The following CNGB1 variants were observed in gnomAD, a reference collection of about 807,000 sequenced individuals.
CNGB1 encodes cyclic nucleotide gated channel subunit beta 1, also known as cyclic nucleotide-gated channel beta-1.
A neutral mutation model predicts 151.7 loss-of-function variants in CNGB1; 126 were observed. That is an observed-to-expected ratio of 0.83 (90% CI 0.72 to 0.96). The LOEUF is 0.96. CNGB1 is among the 40% of genes least tolerant of loss of function. The pLI, the probability that CNGB1 is intolerant of heterozygous loss-of-function variation, is 0.00. For missense variants in CNGB1, 1,698 were observed against 1,627.0 expected, an observed-to-expected ratio of 1.04 and a Z score of -0.75; for synonymous variants, 623 against 635.1, an observed-to-expected ratio of 0.98 and a Z score of 0.29.
At chr16:57,907,665 T>C (rs1026624178) in intron 25 of CNGB1, among the ~76,000 whole-genome samples, 9 of 152,234 alleles carry the variant, frequency 5.9e-5, no homozygotes, top group African/African-American at 1.9e-4. Flanking sequence ...CCCCTTTGCA[T>C]AGAAAGGGGC....
At chr16:57,895,446 T>C (rs1422928333) in intron 31 of CNGB1, among the ~76,000 whole-genome samples, 1 of 151,860 alleles carries the variant, frequency 6.6e-6, no homozygotes, top group Admixed American at 6.6e-5. Context: ...TTGAAATTGT[T>C]TTATAGATAA....
chr16:57,925,682 G>A (rs566603435), intron 17 of CNGB1, among the ~76,000 whole-genome samples: 111 of 147,336 alleles, frequency 7.5e-4, no homozygotes, highest in African/African-American at 2.8e-3. Context: ...CCCAAGGGAA[G>A]TTCATGATTA....
In CNGB1 at chr16:57,940,216, G is replaced by T. The variant is rs370097431; in HGVS notation, c.1209+18C>A. ...CAAGCCAGGCCTCAGAGGTGCCAGT[G>T]CCTGGTGCTTCTCATACCTGATCTG... On this transcript the variant is annotated intron_variant, in intron 15 of 32. Transcript: ENST00000251102. 6.4e-6 allele frequency: 10 copies of T among 1,555,766 alleles called. No individual in the cohort carries two copies. In the African/African-American group the frequency reaches 1.4e-4, roughly 21 times the overall value.
At chr16:57,966,365 T>C (rs1318737906) in intron 2 of CNGB1, among the ~76,000 whole-genome samples, 2 of 152,230 alleles carry the variant, frequency 1.3e-5, no homozygotes, top group Non-Finnish European at 2.9e-5. Flanking sequence ...CTGGCATCAA[T>C]TAGAAGCTAA....
intron 21 of CNGB1, among the ~76,000 whole-genome samples, 197 bp from the exon 22 acceptor site, chr16:57,916,376 C>A (rs1476824762): frequency 6.6e-6 from 1 of 152,254 alleles, no homozygotes; most frequent in East Asian, 1.9e-4. Flanking sequence ...CTGTTCTGGT[C>A]ACCCAGCTAG....
At chr16:57,896,412 G>T (rs1454762108) in intron 31 of CNGB1, among the ~76,000 whole-genome samples, 3 of 152,124 alleles carry the variant, frequency 2.0e-5, no homozygotes, top group Non-Finnish European at 4.4e-5. Flanking sequence ...GGGGCATTCT[G>T]TAAAATAACT....
intron 16 of CNGB1, chr16:57,937,025 A>G (rs573075037): frequency 2.0e-5 from 3 of 152,504 alleles, no homozygotes; most frequent in African/African-American, 7.2e-5. Flanking sequence ...AGGCAGGAAG[A>G]CAGCCCCAGC....
intron 14 of CNGB1, among the ~76,000 whole-genome samples, chr16:57,941,204 A>T (rs1961659365): frequency 6.6e-6 from 1 of 152,216 alleles, no homozygotes; most frequent in Admixed American, 6.5e-5. Context: ...GGTTAAAATG[A>T]TGACTCAGGA....
At chr16:57,896,621 G>A (rs4467063) in intron 31 of CNGB1, among the ~76,000 whole-genome samples, 11,876 of 152,014 alleles carry the variant, frequency 0.078, 1,478 homozygotes, top group African/African-American at 0.26. Flanking sequence ...GCTGAGGCAG[G>A]AGAATTGCTT....
chr16:57,946,068 G>C (rs990167209), intron 14 of CNGB1, among the ~76,000 whole-genome samples: 1 of 152,118 alleles, frequency 6.6e-6, no homozygotes, highest in Non-Finnish European at 1.5e-5. Flanking sequence ...GCCCCCTCTT[G>C]TGCAGCCCAG....
chr16:57,905,819 G>A (rs1471213714), intron 25 of CNGB1, among the ~76,000 whole-genome samples: 1 of 152,240 alleles, frequency 6.6e-6, no homozygotes, highest in Non-Finnish European at 1.5e-5. Context: ...TGGAAGCAGA[G>A]AGCAGCCCTC....
intron 2 of CNGB1, among the ~76,000 whole-genome samples, chr16:57,966,524 A>C (rs1166141742): frequency 6.6e-6 from 1 of 152,248 alleles, no homozygotes; most frequent in African/African-American, 2.4e-5. Context: ...ATGATGATTA[A>C]GCAGTTTGCA....
chr16:57,941,116 T>G (rs1401027582), intron 14 of CNGB1, among the ~76,000 whole-genome samples: 1 of 152,204 alleles, frequency 6.6e-6, no homozygotes, highest in African/African-American at 2.4e-5. Context: ...ATAATTCAAA[T>G]TAATATATCT....
chr16:57,939,680 T>C (rs1314644810), intron 15 of CNGB1, 88 bp from the exon 16 acceptor site: 6 of 1,558,036 alleles, frequency 3.9e-6, no homozygotes, highest in Admixed American at 1.7e-5. Flanking sequence ...CCTTCAGAAG[T>C]CCACATGGGC....
rs147627312 is a variant in CNGB1, at chr16:57,887,600, C to T, written c.3462+255G>A. Among the ~76,000 whole-genome samples the T allele has an allele frequency of 1.4e-3, 216 of 152,228 alleles. 1 individual carries two copies. Among genetic ancestry groups the T allele is most frequent in the African/African-American group, 4.9e-3 (205 of 41,534 alleles). ...GCAGAGATGACACGATGGGAAAACT[C>T]GTCCTGTTGGCATCTTTCGGGCTTT... On this transcript the variant is annotated intron_variant, in intron 32 of 32. Coordinates refer to ENST00000251102, the MANE Select transcript of CNGB1 (RefSeq NM_001297.5).
intron 29 of CNGB1, 134 bp downstream of exon 29, chr16:57,901,218 A>G: frequency 1.1e-6 from 1 of 891,268 alleles, no homozygotes; most frequent in Non-Finnish European, 1.9e-6. Flanking sequence ...TGCAGCATGA[A>G]GCCGCAGACG....
intron 7 of CNGB1, among the ~76,000 whole-genome samples, chr16:57,961,514 G>A (rs1415732130): frequency 6.6e-6 from 1 of 152,098 alleles, no homozygotes; most frequent in Non-Finnish European, 1.5e-5. Flanking sequence ...CCAAAAGAAG[G>A]CTGGTGAGTC....
At position 57,884,134 on chromosome 16, in the gene CNGB1, A is replaced by C. The variant is rs761081124; in HGVS notation, c.*30T>G. 40 of 1,613,610 alleles carry C rather than the reference A, an allele frequency of 2.5e-5. No homozygotes were observed. The highest frequency in any genetic ancestry group is 3.2e-5 in the Non-Finnish European group (38 of 1,179,828). ...CGGGCGCTGGGGACACACCTGCTGG[A>C]ACTGCGCGCGGGATCCGCCTCACCC... On this transcript the variant is annotated 3_prime_UTR_variant, in exon 33 of 33. Coordinates refer to ENST00000251102, the MANE Select transcript of CNGB1 (RefSeq NM_001297.5).
At chr16:57,927,553 G>A (rs1474660762) in intron 17 of CNGB1, among the ~76,000 whole-genome samples, 5 of 152,186 alleles carry the variant, frequency 3.3e-5, no homozygotes, top group African/African-American at 7.2e-5. Context: ...GCAGGCCCCT[G>A]CCAGGCTTCT....
Sources: allele counts gnomAD v4.1 joint callset (sites outside exome capture counted in the v4.1 genomes callset), GRCh38; gene constraint gnomAD v4.1.1; transcripts MANE v1.5; gene names NCBI Gene and HGNC (gene_info 2026-07-23, HGNC 2026-07-21).